Variants in INSC observed in about 807,000 individuals in gnomAD.
INSC encodes the protein INSC spindle orientation adaptor protein, also known as protein inscuteable homolog.
Under a neutral mutation model 58.6 loss-of-function variants are expected in INSC, and 67 were observed. The ratio of observed to expected loss-of-function variants is 1.14; its 90% confidence interval spans 0.94 to 1.40. The LOEUF (loss-of-function observed/expected upper bound fraction) is 1.40, where lower values mean the gene tolerates loss of function less well. Among genes scored for constraint, INSC ranks in the 40% most tolerant of loss-of-function variants. INSC has a pLI of 0.00. For missense variants in INSC, 714 were observed against 692.0 expected (o/e 1.03, Z -0.36); for synonymous variants, 262 against 276.1 (o/e 0.95, Z 0.51).
At chr11:15,138,707 TG>T (rs1209955624) in intron 1 of INSC, among the ~76,000 whole-genome samples, 1 of 152,242 alleles carries the variant, frequency 6.6e-6, no homozygotes, top group African/African-American at 2.4e-5. Flanking sequence ...ACTAGCCTGC[TG>T]GGTCAAAGTA....
At chr11:15,113,119 C>CTCTTTCTTTCTT (rs746409775), upstream of INSC, among the ~76,000 whole-genome samples, 1,113 of 73,280 alleles carry the variant, frequency 0.015, 61 homozygotes, top group East Asian at 0.049. Flanking sequence ...TTCTCTCTCT[C>CTCTTTCTTTCTT]TCTTTCTTTC....
intron 7 of INSC, among the ~76,000 whole-genome samples, chr11:15,205,507 G>A (rs928196731): frequency 4.6e-5 from 7 of 152,186 alleles, no homozygotes; most frequent in African/African-American, 1.2e-4. Flanking sequence ...AGTAGACAGC[G>A]AATAAATGGT....
chr11:15,158,062 G>A (rs1015556560), intron 2 of INSC, among the ~76,000 whole-genome samples: 2 of 152,042 alleles, frequency 1.3e-5, no homozygotes, highest in African/African-American at 4.8e-5. Flanking sequence ...GTCCCTCCCA[G>A]ATCTTCCTAT....
At chr11:15,117,670 A>G (rs1459703514) in intron 1 of INSC, among the ~76,000 whole-genome samples, 2 of 152,202 alleles carry the variant, frequency 1.3e-5, no homozygotes, top group Admixed American at 1.3e-4. Context: ...TAAATGAAAA[A>G]CCAGCAATTA....
chr11:15,252,066 A>G (rs1268772799), downstream of INSC, among the ~76,000 whole-genome samples: 2 of 152,230 alleles, frequency 1.3e-5, no homozygotes, highest in Admixed American at 6.5e-5. Context: ...TAAAGCATTG[A>G]TGTAGGCTAC....
At chr11:15,148,212 G>T (rs1848543110) in intron 1 of INSC, among the ~76,000 whole-genome samples, 1 of 152,176 alleles carries the variant, frequency 6.6e-6, no homozygotes, top group Admixed American at 6.5e-5. Context: ...TTTTGGCTGT[G>T]TAGAATAAAA....
chr11:15,238,036 G>A (rs1045073756), intron 10 of INSC, among the ~76,000 whole-genome samples: 2 of 152,128 alleles, frequency 1.3e-5, no homozygotes, highest in African/African-American at 4.8e-5. Flanking sequence ...GGGAGTGTGG[G>A]ATGGGCAGTT....
chr11:15,225,598 T>C (rs1486804115), intron 8 of INSC, 52 bp from the exon 9 acceptor site: 1 of 1,550,142 alleles, frequency 6.5e-7, no homozygotes, highest in South Asian at 1.2e-5. Context: ...ATGAGACAAG[T>C]GATATGAAAA....
At chr11:15,182,707 G>A (rs1849823363) in intron 5 of INSC, among the ~76,000 whole-genome samples, 1 of 152,178 alleles carries the variant, frequency 6.6e-6, no homozygotes, top group South Asian at 2.1e-4. Flanking sequence ...CATTTCAAAT[G>A]CACTGCATTC....
At chr11:15,114,234 C>G (rs1847637641), upstream of INSC, among the ~76,000 whole-genome samples, 1 of 86,656 alleles carries the variant, frequency 1.2e-5, no homozygotes, top group African/African-American at 4.9e-5. Flanking sequence ...AGCTATTTGA[C>G]AGAGTCCAGG....
chr11:15,169,096 C>T (rs1266616027), intron 2 of INSC, among the ~76,000 whole-genome samples: 4 of 152,096 alleles, frequency 2.6e-5, no homozygotes, highest in Admixed American at 6.6e-5. Context: ...AGACAATAGG[C>T]TACTCAGTCC....
chr11:15,225,859 G>T, intron 9 of INSC, 31 bp downstream of exon 9: 1 of 1,595,860 alleles, frequency 6.3e-7, no homozygotes, highest in Non-Finnish European at 8.5e-7. Context: ...TGAGCACAGG[G>T]CCCATAGCCA....
At chr11:15,234,376 A>G (rs1361978742) in intron 9 of INSC, among the ~76,000 whole-genome samples, 1 of 152,270 alleles carries the variant, frequency 6.6e-6, no homozygotes, top group African/African-American at 2.4e-5. Flanking sequence ...TCTGTTTAAA[A>G]GAAGACATTT....
At chr11:15,174,354 C>G (rs1243113492) in intron 2 of INSC, among the ~76,000 whole-genome samples, 1 of 152,102 alleles carries the variant, frequency 6.6e-6, no homozygotes, top group Non-Finnish European at 1.5e-5. Context: ...ACTCTCTAGT[C>G]TTTTTTTCTG....
At chr11:15,265,538 T>C in the INSC span, among the ~76,000 whole-genome samples, 2 of 151,892 alleles carry the variant, frequency 1.3e-5, no homozygotes, top group Non-Finnish European at 2.9e-5. Flanking sequence ...GTATTTTAAT[T>C]CGTGTTTCAA....
chr11:15,240,004 G>A (rs538133639), intron 11 of INSC, among the ~76,000 whole-genome samples: 6 of 152,148 alleles, frequency 3.9e-5, no homozygotes, highest in East Asian at 1.9e-4. Context: ...TACTACTATC[G>A]TATAATGAGG....
chr11:15,236,415 C>T (rs1029625190), intron 10 of INSC, among the ~76,000 whole-genome samples: 9 of 152,154 alleles, frequency 5.9e-5, no homozygotes, highest in Admixed American at 4.6e-4. Context: ...TAAATTGTTC[C>T]TATCTTATTG....
chr11:15,142,869 G>A (rs1037799143), intron 1 of INSC, among the ~76,000 whole-genome samples: 2 of 151,612 alleles, frequency 1.3e-5, no homozygotes, highest in Non-Finnish European at 2.9e-5. Flanking sequence ...ACAAAGGTTT[G>A]TTACATATGT....
At chr11:15,252,421 C>T in the INSC span, among the ~76,000 whole-genome samples, 6 of 152,194 alleles carry the variant, frequency 3.9e-5, no homozygotes, top group African/African-American at 7.2e-5. Context: ...GCCAGGGCTG[C>T]GATCATGTGA....
Sources: gnomAD v4.1 joint callset for allele counts (sites outside exome capture counted in the v4.1 genomes callset) on GRCh38, gnomAD v4.1.1 for gene constraint, MANE v1.5 for transcripts, NCBI Gene and HGNC (gene_info 2026-07-23, HGNC 2026-07-21) for gene names.